PDXDC1: variants seen among roughly 807,000 people sequenced by gnomAD.
PDXDC1 encodes pyridoxal-dependent decarboxylase domain-containing protein 1.
In PDXDC1, 42 loss-of-function variants were observed where a neutral mutation model predicts 100.1. That is an observed-to-expected ratio of 0.42 (90% CI 0.33 to 0.54). The LOEUF (loss-of-function observed/expected upper bound fraction) is 0.54, where lower values mean the gene tolerates loss of function less well. Among genes scored for constraint, PDXDC1 ranks in the 20% least tolerant of loss-of-function variants. PDXDC1 has a pLI of 0.10. For missense variants in PDXDC1, 636 were observed against 979.2 expected, an observed-to-expected ratio of 0.65 and a Z score of 4.68; for synonymous variants, 260 against 371.7, an observed-to-expected ratio of 0.70 and a Z score of 3.46.
chr16:14,977,236 C>A (rs1966886021), intron 1 of PDXDC1, among the ~76,000 whole-genome samples: 1 of 135,508 alleles, frequency 7.4e-6, no homozygotes, highest in Non-Finnish European at 1.5e-5. Context: ...TGTGAAAATT[C>A]TGAGTGTAAG....
rs576178238 is a variant in PDXDC1, at chr16:15,063,416, A to T, written c.1399+33360A>T. On this transcript the variant is annotated intron_variant, in intron 16 of 16. Transcript: ENST00000535621. ...AACTACAGCTTAAATAATTACATTT[A>T]AAAAAAACCTGGCTGGGTGCAGTGG... is the stretch of plus-strand genomic sequence containing the variant. 6.2e-4 allele frequency: 468 copies of T among 751,394 alleles called. 2 individuals are homozygous for T. The highest frequency in any genetic ancestry group is 8.6e-4 in the Non-Finnish European group (366 of 426,366). 46.5% of individuals were successfully genotyped at this position (751,394 alleles called of 1,614,324 possible).
chr16:15,135,336 T>C, intron 16 of PDXDC1: 5 of 1,537,580 alleles, frequency 3.3e-6, no homozygotes, highest in Non-Finnish European at 4.4e-6. Context: ...AGGCTGAAGG[T>C]GTACTCCACG....
chr16:15,056,327 C>G (rs1702520381), intron 16 of PDXDC1, among the ~76,000 whole-genome samples: 1 of 152,222 alleles, frequency 6.6e-6, no homozygotes, highest in African/African-American at 2.4e-5. Context: ...CTGCACCAGC[C>G]AAGAGAGCCT....
At chr16:15,004,472 A>G in intron 5 of PDXDC1, 139 bp downstream of exon 5, 12 of 1,035,082 alleles carry the variant, frequency 1.2e-5, no homozygotes, top group South Asian at 1.6e-5. Flanking sequence ...TGCCTGTTTC[A>G]TCATCTGTTA....
At chr16:15,066,022 G>A (rs920428882) in intron 16 of PDXDC1, among the ~76,000 whole-genome samples, 1 of 152,206 alleles carries the variant, frequency 6.6e-6, no homozygotes, top group Non-Finnish European at 1.5e-5. Context: ...TGAGCAACTT[G>A]AAAAATTATC....
chr16:15,024,235 G>A (rs2151566380), intron 13 of PDXDC1, among the ~76,000 whole-genome samples: 1 of 152,372 alleles, frequency 6.6e-6, no homozygotes, highest in Admixed American at 6.5e-5. Flanking sequence ...TGGCCTGTGA[G>A]TCCTCATCAT....
intron 16 of PDXDC1, among the ~76,000 whole-genome samples, chr16:15,057,414 T>C (rs1320349673): frequency 6.6e-6 from 1 of 152,206 alleles, no homozygotes; most frequent in Non-Finnish European, 1.5e-5. Flanking sequence ...AACACCTCCG[T>C]TATAACAGAT....
intron 16 of PDXDC1, chr16:15,065,395 G>A (rs1567187309): frequency 6.2e-7 from 1 of 1,606,952 alleles, no homozygotes; most frequent in Non-Finnish European, 8.5e-7. Context: ...AAACAACACA[G>A]ACAGAGGCAT....
chr16:15,140,847 G>T (rs2048461560), downstream of PDXDC1, among the ~76,000 whole-genome samples: 1 of 152,118 alleles, frequency 6.6e-6, no homozygotes. Context: ...TGGCTCCGCA[G>T]GTCTGCACAC....
intron 16 of PDXDC1, chr16:15,131,247 C>T (rs1398038465): frequency 1.9e-6 from 3 of 1,592,736 alleles, no homozygotes; most frequent in Admixed American, 1.7e-5. Flanking sequence ...TGGGCACCTT[C>T]ACGGTGATGG....
chr16:15,067,961 T>C (rs549851652), intron 16 of PDXDC1, among the ~76,000 whole-genome samples: 1 of 152,086 alleles, frequency 6.6e-6, no homozygotes, highest in Admixed American at 6.6e-5. Flanking sequence ...GGTCTCACTA[T>C]GTTGCTCAGG....
chr16:14,976,847 T>G (rs1966859233), intron 1 of PDXDC1: 1 of 152,460 alleles, frequency 6.6e-6, no homozygotes, highest in African/African-American at 2.4e-5. Flanking sequence ...ATCATGTTTA[T>G]AACACCAGCA....
chr16:14,976,158 C>G (rs1406898383), intron 1 of PDXDC1, among the ~76,000 whole-genome samples: 1 of 152,298 alleles, frequency 6.6e-6, no homozygotes, highest in African/African-American at 2.4e-5. Flanking sequence ...CTTTCGGTAC[C>G]TGACATTCTG....
chr16:15,125,811 C>T (rs1208110631), intron 16 of PDXDC1: 4 of 1,196,700 alleles, frequency 3.3e-6, no homozygotes, highest in South Asian at 1.2e-5. Context: ...CAGCCACCTG[C>T]AGGACGACAG....
chr16:15,046,516 T>A (rs927241668), intron 16 of PDXDC1, among the ~76,000 whole-genome samples: 2 of 152,002 alleles, frequency 1.3e-5, no homozygotes, highest in African/African-American at 4.8e-5. Context: ...GCTACTTTAC[T>A]GCAGTGAGAG....
chr16:14,988,831 C>T (rs1970020820), intron 1 of PDXDC1: 3 of 1,613,880 alleles, frequency 1.9e-6, no homozygotes, highest in East Asian at 4.5e-5. Context: ...GGGGCACCCA[C>T]CTTCACCAGC....
intron 1 of PDXDC1, chr16:14,989,947 C>G (rs895428819): frequency 2.1e-6 from 3 of 1,461,666 alleles, no homozygotes; most frequent in African/African-American, 1.5e-5. Context: ...CCGCGCCAGG[C>G]GCGGGTGGCC....
rs544391693 is a variant in PDXDC1, at chr16:15,133,182, G to A, written c.1400-5697G>A. The A allele has an allele frequency of 1.4e-4, 139 of 1,011,060 alleles. 1 individual carries two copies. The highest frequency in any genetic ancestry group is 1.1e-3 in the East Asian group (44 of 38,780). 62.6% of individuals were successfully genotyped at this position (1,011,060 alleles called of 1,614,324 possible). On this transcript the variant is annotated intron_variant, in intron 16 of 16. Coordinates refer to the PDXDC1 transcript ENST00000535621. ...CTCTGGGGCCCGGGATAAGCCCTCC[G>A]CAAAGCTCCAGGCAGGGGTACAGGT...
chr16:15,021,040 T>G (rs1165319935), intron 12 of PDXDC1, among the ~76,000 whole-genome samples: 1 of 152,180 alleles, frequency 6.6e-6, no homozygotes, highest in Non-Finnish European at 1.5e-5. Context: ...GCTCTAGCAG[T>G]AGTCCCTTCG....
Sources: allele counts gnomAD v4.1 joint callset (sites outside exome capture counted in the v4.1 genomes callset), GRCh38; gene constraint gnomAD v4.1.1; transcripts MANE v1.5; gene names NCBI Gene and HGNC (gene_info 2026-07-23, HGNC 2026-07-21).